TCF7L2: variants seen among roughly 807,000 people sequenced by gnomAD.
TCF7L2 encodes the protein transcription factor 7-like 2.
In TCF7L2, 23 loss-of-function variants were observed where a neutral mutation model predicts 77.9. That is an observed-to-expected ratio of 0.30 (90% CI 0.21 to 0.42). The LOEUF (loss-of-function observed/expected upper bound fraction) is 0.42. Among genes scored for constraint, TCF7L2 ranks in the 10% least tolerant of loss-of-function variants. The probability of loss-of-function intolerance (pLI) is 1.00; values close to 1 mark genes in which losing one functional copy is unlikely to be tolerated. For synonymous variants in TCF7L2, 413 were observed against 340.2 expected (o/e 1.21, Z -2.36); for missense variants, 654 against 793.1 (o/e 0.82, Z 2.11).
At chr10:112,955,169 T>C (rs374143709) in intron 3 of TCF7L2, among the ~76,000 whole-genome samples, 4 of 139,850 alleles carry the variant, frequency 2.9e-5, no homozygotes, top group African/African-American at 1.0e-4. Context: ...TACATAACAA[T>C]GTAATATTAC....
rs896532850 is a variant in TCF7L2, at chr10:113,040,017, C to G, written c.451-8C>G. 2 of 1,611,084 alleles carry G rather than the reference C, an allele frequency of 1.2e-6. No homozygotes were observed. Among genetic ancestry groups the G allele is most frequent in the African/African-American group, 2.7e-5 (2 of 74,784 alleles). ...GTTTTTCATTTCACTTTTGTTTCCT[C>G]TCGCCAGTATCTCCAGATGAAATGG... On this transcript the variant is annotated splice_region_variant and splice_polypyrimidine_tract_variant and intron_variant, in intron 4 of 13. Transcript: ENST00000627217.
At chr10:112,980,854 TTGACCTCG>T (rs1406674243) in intron 4 of TCF7L2, among the ~76,000 whole-genome samples, 4 of 152,046 alleles carry the variant, frequency 2.6e-5, no homozygotes, top group Non-Finnish European at 4.4e-5. Context: ...TCTCGATCTC[TTGACCTCG>T]TGATCCGCCC....
intron 5 of TCF7L2, among the ~76,000 whole-genome samples, chr10:113,130,738 A>G (rs1449679822): frequency 1.3e-5 from 2 of 150,704 alleles, no homozygotes; most frequent in African/African-American, 4.9e-5. Context: ...CTGTGTGGTG[A>G]TATCTTTTTA....
chr10:112,951,353 C>T (rs2031150441), intron 2 of TCF7L2, 80 bp downstream of exon 2: 1 of 985,086 alleles, frequency 1.0e-6, no homozygotes, highest in Non-Finnish European at 1.2e-6. Context: ...GCCCCGCGCC[C>T]GGCTCGGCCT....
chr10:113,078,868 T>G (rs868490947), intron 5 of TCF7L2, among the ~76,000 whole-genome samples: 5 of 151,978 alleles, frequency 3.3e-5, no homozygotes, highest in African/African-American at 7.3e-5. Flanking sequence ...AATTTTGCTC[T>G]GTCACCCAGG....
At chr10:113,090,708 C>T (rs2060293434) in intron 5 of TCF7L2, among the ~76,000 whole-genome samples, 1 of 152,216 alleles carries the variant, frequency 6.6e-6, no homozygotes. Context: ...CCTCCGGTTT[C>T]AAGCGATTCG....
chr10:113,083,283 C>CAT (rs1193329974), intron 5 of TCF7L2, among the ~76,000 whole-genome samples: 1 of 151,010 alleles, frequency 6.6e-6, no homozygotes, highest in Non-Finnish European at 1.5e-5. Context: ...CACACACACA[C>CAT]ACACACACAC....
At chr10:113,050,142 A>G (rs545901374) in intron 5 of TCF7L2, among the ~76,000 whole-genome samples, 2 of 152,284 alleles carry the variant, frequency 1.3e-5, no homozygotes, top group South Asian at 4.2e-4. Context: ...GACCGTGATT[A>G]AGTGCATCAC....
At chr10:113,099,495 C>G (rs1226536817) in intron 5 of TCF7L2, among the ~76,000 whole-genome samples, 1 of 152,186 alleles carries the variant, frequency 6.6e-6, no homozygotes, top group Non-Finnish European at 1.5e-5. Context: ...CTGGAACAAG[C>G]TGCTACATGC....
At position 113,089,358 on chromosome 10, in the gene TCF7L2, G is replaced by A. The variant is rs79215009; in HGVS notation, c.552+49232G>A. On this transcript the variant is annotated intron_variant, in intron 5 of 13. Transcript: ENST00000627217. ...TGTGCCTTGGTGACGTGTCCCCCTC[G>A]CTCCCGAGCCTTACTCTGTTCCCCT... is the stretch of plus-strand genomic sequence containing the variant. 535 of 1,589,432 alleles carry A rather than the reference G, an allele frequency of 3.4e-4. 3 individuals carry two copies. In the East Asian group the frequency reaches 7.4e-3, roughly 22 times the overall value.
chr10:113,117,638 C>T (rs2064038756), intron 5 of TCF7L2, among the ~76,000 whole-genome samples: 1 of 152,208 alleles, frequency 6.6e-6, no homozygotes, highest in South Asian at 2.1e-4. Flanking sequence ...CAGTTCTCGG[C>T]ATTCTTTGTG....
At chr10:112,958,122 C>G (rs568359083) in intron 3 of TCF7L2, among the ~76,000 whole-genome samples, 1 of 152,290 alleles carries the variant, frequency 6.6e-6, no homozygotes, top group African/African-American at 2.4e-5. Context: ...GGTTATCAGC[C>G]GAGGTGTTCT....
intron 4 of TCF7L2, among the ~76,000 whole-genome samples, chr10:112,989,344 C>T (rs997775216): frequency 2.0e-5 from 3 of 150,942 alleles, no homozygotes; most frequent in African/African-American, 7.3e-5. Context: ...CCTGTCTCTG[C>T]CTCTGGAGTT....
intron 4 of TCF7L2, among the ~76,000 whole-genome samples, chr10:113,034,388 G>A (rs1435584986): frequency 6.6e-6 from 1 of 152,290 alleles, no homozygotes; most frequent in Non-Finnish European, 1.5e-5. Context: ...GGCCCGTGGT[G>A]AGGCTGCACT....
At chr10:113,083,259 G>GAC (rs10649541) in intron 5 of TCF7L2, among the ~76,000 whole-genome samples, 40,924 of 143,164 alleles carry the variant, frequency 0.29, 6,172 homozygotes, top group Non-Finnish European at 0.34. Flanking sequence ...TATACTGATA[G>GAC]ACACACACAC....
intron 5 of TCF7L2, among the ~76,000 whole-genome samples, chr10:113,056,300 C>T (rs899961519): frequency 1.3e-5 from 2 of 152,210 alleles, no homozygotes; most frequent in Non-Finnish European, 2.9e-5. Context: ...TACCGCGCCT[C>T]ATTGCCTTCT....
At chr10:112,967,117 A>G (rs2037121544) in intron 4 of TCF7L2, among the ~76,000 whole-genome samples, 1 of 152,232 alleles carries the variant, frequency 6.6e-6, no homozygotes, top group South Asian at 2.1e-4. Flanking sequence ...ATTGTTCCCA[A>G]AGTACATTGG....
chr10:113,140,706 A>G (rs964730904), intron 5 of TCF7L2, among the ~76,000 whole-genome samples: 1 of 152,118 alleles, frequency 6.6e-6, no homozygotes, highest in African/African-American at 2.4e-5. Context: ...GGGGGTGGCT[A>G]AGGAGGCTGG....
chr10:113,089,918 G>C (rs1254253427), intron 5 of TCF7L2, among the ~76,000 whole-genome samples: 1 of 152,190 alleles, frequency 6.6e-6, no homozygotes, highest in Non-Finnish European at 1.5e-5. Flanking sequence ...CAATGGAGGA[G>C]AAGTTACCAC....
Sources: gnomAD v4.1 joint callset for allele counts (sites outside exome capture counted in the v4.1 genomes callset) on GRCh38, gnomAD v4.1.1 for gene constraint, MANE v1.5 for transcripts, NCBI Gene and HGNC (gene_info 2026-07-23, HGNC 2026-07-21) for gene names.